RBM39: variants seen among roughly 807,000 people sequenced by gnomAD.
RBM39 encodes the protein RNA-binding protein 39.
A neutral mutation model predicts 79.6 loss-of-function variants in RBM39; 12 were observed. That is an observed-to-expected ratio of 0.15 (90% CI 0.10 to 0.24). RBM39 has a LOEUF of 0.24. Among genes scored for constraint, RBM39 ranks in the 10% least tolerant of loss-of-function variants. The pLI is 1.00. For missense variants in RBM39, 243 were observed against 653.4 expected, an observed-to-expected ratio of 0.37 and a Z score of 6.85; for synonymous variants, 185 against 208.4, an observed-to-expected ratio of 0.89 and a Z score of 0.97.
intron 2 of RBM39, 82 bp downstream of exon 2, chr20:35,740,742 G>A (rs1427143231): frequency 7.0e-7 from 1 of 1,434,932 alleles, no homozygotes; most frequent in African/African-American, 1.4e-5. Context: ...CTCCGGGGAG[G>A]TTAGTTTACA....
intron 10 of RBM39, among the ~76,000 whole-genome samples, chr20:35,716,321 G>A (rs1411002691): frequency 1.3e-5 from 2 of 152,092 alleles, no homozygotes; most frequent in South Asian, 2.1e-4. Context: ...TGATCCACCC[G>A]CCTCGGCCTC....
At chr20:35,705,119 A>C (rs574690910) in intron 15 of RBM39, 106 bp downstream of exon 15, 8 of 728,642 alleles carry the variant, frequency 1.1e-5, no homozygotes, top group South Asian at 5.1e-5. Context: ...CACACACACA[A>C]AAACTATAAT....
intron 12 of RBM39, 82 bp from the exon 13 acceptor site, chr20:35,709,356 TAGC>T: frequency 8.5e-7 from 1 of 1,179,110 alleles, no homozygotes; most frequent in South Asian, 1.4e-5. Flanking sequence ...AGGACTACAA[TAGC>T]AGGGTTCATT....
At chr20:35,730,012 G>A (rs534747514) in intron 4 of RBM39, among the ~76,000 whole-genome samples, 2 of 152,092 alleles carry the variant, frequency 1.3e-5, no homozygotes, top group South Asian at 2.1e-4. Context: ...TCTTCTTTTT[G>A]AAAGACTTCT....
intron 6 of RBM39, among the ~76,000 whole-genome samples, chr20:35,728,489 T>C (rs180967506): frequency 6.6e-6 from 1 of 152,182 alleles, no homozygotes; most frequent in Admixed American, 6.5e-5. Context: ...TACATTAAAA[T>C]AACTTTAGAC....
rs765966284 is a variant in RBM39 at position 35,738,985 on chromosome 20, A to G, written c.84T>C (p.His28=). The change falls in exon 3 of 17, where the codon CAT becomes CAC. Residue 28 remains histidine, a synonymous_variant. Transcript: ENST00000253363. ...AAACTCACTTTTTGCTACGTTCTTC[A>G]TGGCCGTTGGCACTGCTCAACTTGT... ...DENKLSSANG[H]EERSKKRKKS... is the part of the protein sequence containing the mutation. 6.2e-7 allele frequency: 1 copy of G among 1,613,606 alleles called. No homozygotes were observed. The highest frequency in any genetic ancestry group is 2.2e-5 in the East Asian group (1 of 44,880).
chr20:35,737,345 G>GATCA (rs2040037263), intron 3 of RBM39, among the ~76,000 whole-genome samples: 1 of 146,742 alleles, frequency 6.8e-6, no homozygotes, highest in African/African-American at 2.5e-5. Flanking sequence ...AGCCAAGACT[G>GATCA]CGCCACTGCA....
chr20:35,705,472 C>T, intron 14 of RBM39, 142 bp from the exon 15 acceptor site: 2 of 568,078 alleles, frequency 3.5e-6, no homozygotes, highest in Non-Finnish European at 6.0e-6. Context: ...GTCTCTGCCC[C>T]AAAGAACACT....
intron 3 of RBM39, chr20:35,736,553 G>C (rs1328406432): frequency 2.1e-6 from 1 of 470,684 alleles, no homozygotes; most frequent in South Asian, 1.5e-5. Flanking sequence ...TACTTACTAT[G>C]AAGCATTTAG....
chr20:35,735,077 G>A (rs2039765889), intron 3 of RBM39: 2 of 1,561,698 alleles, frequency 1.3e-6, no homozygotes, highest in African/African-American at 2.8e-5. Context: ...TTAATGCAAA[G>A]TATTCTGGAA....
rs118123902 is a variant in RBM39 at position 35,725,707 on chromosome 20, G to A, written c.417-552C>T. ...AGGAAGTCTTGTTCTTGTCCCCCAG[G>A]CTTGGAGTGCAACGGCGCCATCTTG... On this transcript the variant is annotated intron_variant, in intron 6 of 16. Coordinates refer to ENST00000253363, the MANE Select transcript of RBM39 (RefSeq NM_184234.3). Among the ~76,000 whole-genome samples the A allele has an allele frequency of 7.6e-4, 113 of 148,630 alleles. 2 individuals are homozygous for A. The East Asian group carries it at 0.019, about 24-fold the overall frequency.
At chr20:35,727,427 G>GCTAC (rs1180330018) in intron 6 of RBM39, among the ~76,000 whole-genome samples, 1 of 148,740 alleles carries the variant, frequency 6.7e-6, no homozygotes, top group African/African-American at 2.5e-5. Context: ...CACCCACAAT[G>GCTAC]CTACCACCTG....
chr20:35,713,666 C>CAAAAAAAAAAAAAAAAAAAAAAAAAAAA (rs56909848), intron 11 of RBM39: 3 of 34,720 alleles, frequency 8.6e-5, no homozygotes, highest in African/African-American at 1.1e-4. Flanking sequence ...CCAACCAACA[C>CAAAAAAAAAAAAAAAAAAAAAAAAAAAA]AAAAAAAAAA....
chr20:35,724,018 G>C (rs2038338715), intron 8 of RBM39, among the ~76,000 whole-genome samples: 1 of 151,824 alleles, frequency 6.6e-6, no homozygotes, highest in Non-Finnish European at 1.5e-5. Flanking sequence ...TCCAGCCCTG[G>C]CAACAGAAGT....
chr20:35,723,457 GAC>G (rs977000149), intron 8 of RBM39, among the ~76,000 whole-genome samples: 181 of 152,136 alleles, frequency 1.2e-3, no homozygotes, highest in African/African-American at 4.0e-3. Flanking sequence ...TTCTTTTTGA[GAC>G]ACAGTCTTGG....
intron 12 of RBM39, among the ~76,000 whole-genome samples, chr20:35,710,970 T>G (rs1279756280): frequency 6.6e-6 from 1 of 152,190 alleles, no homozygotes; most frequent in Non-Finnish European, 1.5e-5. Context: ...TCAAACAATC[T>G]TAATATATAC....
At chr20:35,741,414 T>C (rs532438291) in intron 1 of RBM39, 1 of 153,658 alleles carries the variant, frequency 6.5e-6, no homozygotes, top group South Asian at 1.9e-4. Flanking sequence ...CCAAAAGCCC[T>C]ACAATTAATG....
rs959871529 is a variant in RBM39 at position 35,703,373 on chromosome 20, G to A, written c.*1108C>T. On this transcript the variant is annotated 3_prime_UTR_variant, in exon 17 of 17. Transcript: ENST00000253363. ...GAGACCAAGAATGCCCAGGTTTTAAGGCCAGGCTGTTTCCTTTTCTTTTTG... is the reference window on the plus strand; with the variant it reads ...GAGACCAAGAATGCCCAGGTTTTAAAGCCAGGCTGTTTCCTTTTCTTTTTG... 1.3e-5 allele frequency: 2 copies of A among 152,100 alleles called. No individual in the cohort carries two copies. The highest frequency in any genetic ancestry group is 4.8e-5 in the African/African-American group (2 of 41,414). The allele number at this position is 152,100 out of a possible 1,614,324, so 9.4% of individuals were successfully genotyped here.
intron 3 of RBM39, chr20:35,734,788 T>C: frequency 4.4e-6 from 6 of 1,358,948 alleles, no homozygotes; most frequent in Non-Finnish European, 5.7e-6. Flanking sequence ...CAGAGAAAAC[T>C]ACAAGGGTGC....
Sources: allele counts gnomAD v4.1 joint callset (sites outside exome capture counted in the v4.1 genomes callset), GRCh38; gene constraint gnomAD v4.1.1; transcripts MANE v1.5; gene names NCBI Gene and HGNC (gene_info 2026-07-23, HGNC 2026-07-21).